PLEKHA2: variants seen among roughly 807,000 people sequenced by gnomAD.
PLEKHA2 encodes pleckstrin homology domain containing A2.
Under a neutral mutation model 53.2 loss-of-function variants are expected in PLEKHA2, and 28 were observed. That is an observed-to-expected ratio of 0.53 (90% CI 0.39 to 0.72). The LOEUF (loss-of-function observed/expected upper bound fraction) is 0.72, where lower values mean the gene tolerates loss of function less well. PLEKHA2 is among the 30% of genes least tolerant of loss of function. The pLI, the probability that PLEKHA2 is intolerant of heterozygous loss-of-function variation, is 0.00. For missense variants in PLEKHA2, 426 were observed against 537.9 expected, an observed-to-expected ratio of 0.79 and a Z score of 2.06; for synonymous variants, 193 against 196.4, an observed-to-expected ratio of 0.98 and a Z score of 0.14.
At position 38,924,497 on chromosome 8, in the gene PLEKHA2, G is replaced by C. The variant is rs147039244; in HGVS notation, c.141+6427G>C. On this transcript the variant is annotated intron_variant, in intron 2 of 11. Coordinates refer to ENST00000617275, the MANE Select transcript of PLEKHA2 (RefSeq NM_021623.2). ...GAACTCAGGTGGAGGTCTGAGCAAG[G>C]GATGGTTTCACTGTGGGCCTGCAGG... Among the ~76,000 whole-genome samples, 85 of 152,306 alleles carry C rather than the reference G, an allele frequency of 5.6e-4. 3 individuals carry two copies. In the East Asian group the frequency reaches 0.016, roughly 29 times the overall value.
chr8:38,949,811 A>T (rs1380342000), intron 5 of PLEKHA2, among the ~76,000 whole-genome samples: 5 of 152,242 alleles, frequency 3.3e-5, no homozygotes, highest in Non-Finnish European at 7.3e-5. Flanking sequence ...GATAAATATT[A>T]TTCCACTTTT....
At chr8:38,964,542 A>G in intron 10 of PLEKHA2, among the ~76,000 whole-genome samples, 1 of 152,072 alleles carries the variant, frequency 6.6e-6, no homozygotes, top group Non-Finnish European at 1.5e-5. Flanking sequence ...TACCCTTCCA[A>G]GTTCATGGAA....
chr8:38,911,037 G>A (rs938098227), intron 1 of PLEKHA2, among the ~76,000 whole-genome samples: 6 of 152,152 alleles, frequency 3.9e-5, no homozygotes, highest in Non-Finnish European at 8.8e-5. Context: ...CAGAAAACAC[G>A]AGGGAGGTTT....
chr8:38,962,494 A>G (rs2129424198), intron 10 of PLEKHA2, among the ~76,000 whole-genome samples: 1 of 152,280 alleles, frequency 6.6e-6, no homozygotes, highest in South Asian at 2.1e-4. Context: ...GTGACCAAAA[A>G]TCCAAGATCT....
chr8:38,958,266 T>C (rs1834977344), intron 10 of PLEKHA2, among the ~76,000 whole-genome samples: 1 of 151,628 alleles, frequency 6.6e-6, no homozygotes, highest in African/African-American at 2.4e-5. Context: ...GAGGTTGCAG[T>C]GAGCTGAGAT....
chr8:38,956,751 T>A (rs917833935), intron 9 of PLEKHA2, among the ~76,000 whole-genome samples: 5 of 151,940 alleles, frequency 3.3e-5, no homozygotes, highest in African/African-American at 1.2e-4. Flanking sequence ...CTCAAAAAAA[T>A]AAATAAATAA....
intron 1 of PLEKHA2, among the ~76,000 whole-genome samples, chr8:38,914,977 C>T (rs561895807): frequency 1.1e-4 from 16 of 151,936 alleles, no homozygotes; most frequent in African/African-American, 3.9e-4. Context: ...GACAGGGTCT[C>T]ACTCTGTCGT....
At chr8:38,947,581 C>T (rs1052956811) in intron 5 of PLEKHA2, among the ~76,000 whole-genome samples, 3 of 152,020 alleles carry the variant, frequency 2.0e-5, no homozygotes, top group Non-Finnish European at 2.9e-5. Flanking sequence ...TATGATCGCA[C>T]CACTGTACTT....
intron 2 of PLEKHA2, among the ~76,000 whole-genome samples, chr8:38,919,211 G>C (rs1342746157): frequency 1.3e-5 from 2 of 152,206 alleles, no homozygotes; most frequent in South Asian, 4.1e-4. Flanking sequence ...TCTTGGCAAG[G>C]ACATGGTCAG....
intron 3 of PLEKHA2, among the ~76,000 whole-genome samples, chr8:38,937,316 G>A (rs1363043705): frequency 1.3e-5 from 2 of 152,156 alleles, no homozygotes; most frequent in African/African-American, 4.8e-5. Context: ...GCCTCCCCGG[G>A]CCAGAGCAGC....
chr8:38,946,286 T>C (rs1271258980), intron 5 of PLEKHA2, 65 bp downstream of exon 5: 6 of 1,394,718 alleles, frequency 4.3e-6, no homozygotes, highest in African/African-American at 2.9e-5. Flanking sequence ...TATGGCCTTG[T>C]TGGGGTTGGG....
At chr8:38,935,940 T>C (rs987593348) in intron 2 of PLEKHA2, 54 bp from the exon 3 acceptor site, 2 of 1,552,744 alleles carry the variant, frequency 1.3e-6, no homozygotes, top group Admixed American at 3.3e-5. Context: ...TGGTCTTCTG[T>C]CTCTTGGTGC....
chr8:38,970,498 C>A lies in PLEKHA2; in HGVS notation c.*715C>A. 6.3e-6 allele frequency: 1 copy of A among 159,474 alleles called. No homozygotes were observed. Among genetic ancestry groups the A allele is most frequent in the South Asian group, 1.4e-4 (1 of 6,904 alleles). The allele number at this position is 159,474 out of a possible 1,614,324, so 9.9% of individuals were successfully genotyped here. On this transcript the variant is annotated 3_prime_UTR_variant, in exon 12 of 12. Coordinates refer to ENST00000617275, the MANE Select transcript of PLEKHA2 (RefSeq NM_021623.2). ...CCAGAGATTCCTCAGATAAAAGAGC[C>A]TAGAAAATTGAGTTTTGAGCGGGCA...
chr8:38,936,245 T>A (rs536127796), intron 3 of PLEKHA2, among the ~76,000 whole-genome samples, 195 bp downstream of exon 3: 2 of 152,278 alleles, frequency 1.3e-5, no homozygotes, highest in East Asian at 3.9e-4. Flanking sequence ...GGTTCCAAGT[T>A]GTTGGAGGGT....
chr8:38,944,625 A>C (rs1382481736), intron 4 of PLEKHA2, among the ~76,000 whole-genome samples: 1 of 152,202 alleles, frequency 6.6e-6, no homozygotes, highest in African/African-American at 2.4e-5. Context: ...ACAAGAACTC[A>C]CTATTATGAC....
chr8:38,968,659 G>A lies in PLEKHA2; in HGVS notation c.905G>A (p.Cys302Tyr), dbSNP rs1368998912. The A allele has an allele frequency of 1.2e-6, 2 of 1,613,992 alleles. No homozygotes were observed. Among genetic ancestry groups the A allele is most frequent in the Middle Eastern group, 1.6e-4 (1 of 6,062 alleles). Residue 302 changes from cysteine to tyrosine, a missense_variant, in exon 11 of 12, where the codon TGC becomes TAC. Cys to Tyr is a radical substitution (Grantham distance 194). Coordinates refer to ENST00000617275, the MANE Select transcript of PLEKHA2 (RefSeq NM_021623.2). ...EIGAAVQALK[C>Y]HPRETSFSRS... ...GGCGCAGCTGTCCAGGCCCTCAAGT[G>A]CCACCCCAGAGTAAGTCACTTCCTT...
intron 7 of PLEKHA2, 115 bp from the exon 8 acceptor site, chr8:38,952,521 G>A (rs758158621): frequency 4.4e-6 from 6 of 1,353,478 alleles, no homozygotes; most frequent in South Asian, 1.3e-5. Flanking sequence ...TGCCCCTGCT[G>A]AATGTGGGAG....
Position 38,918,044 on chromosome 8 carries a change from C to A in PLEKHA2, c.115C>A (p.Leu39Ile). 1 of 1,613,318 alleles carries A rather than the reference C, an allele frequency of 6.2e-7. No homozygotes were observed. Among genetic ancestry groups the A allele is most frequent in the African/African-American group, 1.3e-5 (1 of 74,944 alleles). Residue 39 changes from leucine to isoleucine, a missense_variant, in exon 2 of 12, where the codon CTC (leucine) becomes ATC (isoleucine). Coordinates refer to ENST00000617275, the MANE Select transcript of PLEKHA2 (RefSeq NM_021623.2). ...CATTCTGGACACCCAGGCTAACTGC[C>A]TCCTCTGGTATATGGACAACCCCCA... ...YFILDTQANCLLWYMDNPQNL... is the reference protein window; with the variant it reads ...YFILDTQANCILWYMDNPQNL...
chr8:38,914,199 G>C (rs533907600), intron 1 of PLEKHA2, among the ~76,000 whole-genome samples: 1 of 152,112 alleles, frequency 6.6e-6, no homozygotes, highest in Non-Finnish European at 1.5e-5. Flanking sequence ...GGGATTCCCC[G>C]ACGCATCTCC....
Sources: gnomAD v4.1 joint callset for allele counts (sites outside exome capture counted in the v4.1 genomes callset) on GRCh38, gnomAD v4.1.1 for gene constraint, MANE v1.5 for transcripts, NCBI Gene and HGNC (gene_info 2026-07-23, HGNC 2026-07-21) for gene names.